GLE1: variants seen among roughly 807,000 people sequenced by gnomAD.
The protein encoded by GLE1 is GLE1 RNA export mediator.
In GLE1, 78 loss-of-function variants were observed where a neutral mutation model predicts 97.3. That is an observed-to-expected ratio of 0.80 (90% confidence interval 0.67 to 0.97). The LOEUF (loss-of-function observed/expected upper bound fraction) is 0.97, where lower values mean the gene tolerates loss of function less well. Among genes scored for constraint, GLE1 ranks in the 50% least tolerant of loss-of-function variants. The pLI, the probability that GLE1 is intolerant of heterozygous loss-of-function variation, is 0.00. For missense variants in GLE1, 753 were observed against 857.5 expected, an observed-to-expected ratio of 0.88 and a Z score of 1.52; for synonymous variants, 302 against 313.4, an observed-to-expected ratio of 0.96 and a Z score of 0.39.
chr9:128,522,635 TAAAAAAAAA>T lies in GLE1; in HGVS notation c.433-18_433-10del, dbSNP rs60154464. On this transcript the variant is annotated intron_variant, in intron 3 of 15. Transcript: ENST00000309971. Reference sequence around the variant, plus strand: ...CTGGCGACAGAGAGAGATTCCATCTTAAAAAAAAAAAAAAAAAAAAAAACCTTTTCAGGA... The same window carrying T: ...CTGGCGACAGAGAGAGATTCCATCTTAAAAAAAAAAAAAACCTTTTCAGGA... The T allele has an allele frequency of 2.1e-4, 264 of 1,266,956 alleles. 1 individual carries two copies. In the African/African-American group the frequency reaches 5.1e-3, roughly 24 times the overall value. The allele number at this position is 1,266,956 out of a possible 1,614,324, so 78.5% of individuals were successfully genotyped here. A position where few individuals can be genotyped will look rare whatever the true frequency, so the allele number is the denominator to read the frequency against.
intron 2 of GLE1, among the ~76,000 whole-genome samples, chr9:128,509,325 G>A (rs556021689): frequency 2.0e-5 from 3 of 151,750 alleles, no homozygotes; most frequent in South Asian, 4.2e-4. Context: ...CTAATTTCAT[G>A]AGCAATTGGA....
intron 11 of GLE1, among the ~76,000 whole-genome samples, chr9:128,535,522 CA>C (rs60357152): frequency 2.3e-4 from 28 of 120,324 alleles, no homozygotes; most frequent in Middle Eastern, 4.9e-3. Context: ...AACTCTGTCT[CA>C]AAAAAAAAAA....
intron 13 of GLE1, among the ~76,000 whole-genome samples, chr9:128,539,412 A>G (rs760671795): frequency 1.3e-5 from 2 of 152,212 alleles, no homozygotes; most frequent in African/African-American, 2.4e-5. Flanking sequence ...CTGATTGGTT[A>G]AATGGAGATA....
rs767720327 is a variant in GLE1 at position 128,523,361 on chromosome 9, G to A, written c.642+21G>A. On this transcript the variant is annotated intron_variant, in intron 5 of 15. Coordinates refer to ENST00000309971, the MANE Select transcript of GLE1 (RefSeq NM_001003722.2). ...CAAAGGTCAGAGCCTGGCAGAATTG[G>A]TGTGGGTGTTTTGGTGTCTGTCTGT... 2.5e-6 allele frequency: 4 copies of A among 1,603,724 alleles called. No individual in the cohort carries two copies. The South Asian group carries it at 3.3e-5, about 13-fold the overall frequency.
At position 128,541,561 on chromosome 9, in the gene GLE1, T is replaced by C. The variant is rs1362915582; in HGVS notation, c.*391T>C. The C allele has an allele frequency of 4.6e-6, 1 of 219,034 alleles. No individual in the cohort carries two copies. The highest frequency in any genetic ancestry group is 7.8e-5 in the South Asian group (1 of 12,806). 13.6% of individuals were successfully genotyped at this position (219,034 alleles called of 1,614,324 possible). On this transcript the variant is annotated 3_prime_UTR_variant, in exon 16 of 16. Transcript: ENST00000309971. ...GCACCCACCTACCCACCCTCACCCC[T>C]GTTCAGATGAATTTCCAGAAAGAGC...
At chr9:128,530,224 G>C (rs1016573494) in intron 9 of GLE1, among the ~76,000 whole-genome samples, 17 of 152,140 alleles carry the variant, frequency 1.1e-4, no homozygotes, top group African/African-American at 3.4e-4. Context: ...AGATTCTCCA[G>C]CTTCAGCTAC....
In GLE1 at chr9:128,508,859, C is replaced by T; in HGVS notation, c.100-17C>T. Reference sequence around the variant, plus strand: ...AGTTGACGTGTAAGTTGAGCTTAACCCTATTCTTTTCTCTAGGATGTTTTA... The same window carrying T: ...AGTTGACGTGTAAGTTGAGCTTAACTCTATTCTTTTCTCTAGGATGTTTTA... On this transcript the variant is annotated splice_polypyrimidine_tract_variant and intron_variant, in intron 1 of 15. Transcript: ENST00000309971. The T allele has an allele frequency of 7.2e-7, 1 of 1,395,404 alleles. No homozygotes were observed. The highest frequency in any genetic ancestry group is 1.0e-6 in the Non-Finnish European group (1 of 980,460). 86.4% of individuals were successfully genotyped at this position (1,395,404 alleles called of 1,614,324 possible).
In GLE1 at chr9:128,522,660, CT is replaced by C. The variant is rs1000306035; in HGVS notation, c.433-4del. On this transcript the variant is annotated splice_region_variant and splice_polypyrimidine_tract_variant and intron_variant, in intron 3 of 15. Coordinates refer to ENST00000309971, the MANE Select transcript of GLE1 (RefSeq NM_001003722.2). Reference sequence around the variant, plus strand: ...TAAAAAAAAAAAAAAAAAAAAAAACCTTTTCAGGAGGGCCTGAGGCTATGGC... The same window carrying C: ...TAAAAAAAAAAAAAAAAAAAAAAACCTTTCAGGAGGGCCTGAGGCTATGGC... The C allele has an allele frequency of 7.4e-6, 10 of 1,357,410 alleles. No homozygotes were observed. The Admixed American group carries it at 1.9e-4, about 26-fold the overall frequency. The allele number at this position is 1,357,410 out of a possible 1,614,324, so 84.1% of individuals were successfully genotyped here.
At chr9:128,514,338 C>CAAA (rs1174493216) in intron 2 of GLE1, among the ~76,000 whole-genome samples, 3 of 91,536 alleles carry the variant, frequency 3.3e-5, no homozygotes, top group Admixed American at 1.2e-4. Context: ...GATCTTGTTT[C>CAAA]AAAAAAAAAA....
intron 14 of GLE1, 134 bp from the exon 15 acceptor site, chr9:128,540,141 A>G: frequency 1.4e-6 from 1 of 729,782 alleles, no homozygotes; most frequent in Non-Finnish European, 2.5e-6. Flanking sequence ...GCTTGAGCCC[A>G]AGAGTTCAAG....
intron 12 of GLE1, 91 bp downstream of exon 12, chr9:128,536,575 G>A (rs1178140622): frequency 2.6e-6 from 3 of 1,151,066 alleles, no homozygotes; most frequent in Non-Finnish European, 3.9e-6. Context: ...TTCTTTCAGA[G>A]AGCCAGTCTA....
intron 12 of GLE1, chr9:128,536,949 C>T (rs7871140): frequency 0.31 from 54,086 of 173,228 alleles, 9,936 homozygotes; most frequent in African/African-American, 0.51. Context: ...TTAATAGTTA[C>T]GGAGACCTAA....
chr9:128,517,405 A>G (rs1847020301), intron 3 of GLE1, among the ~76,000 whole-genome samples: 1 of 152,262 alleles, frequency 6.6e-6, no homozygotes, highest in Non-Finnish European at 1.5e-5. Context: ...GGTCTAGATA[A>G]AACAGTAAAC....
intron 3 of GLE1, among the ~76,000 whole-genome samples, chr9:128,521,107 C>T (rs986774586): frequency 6.6e-6 from 1 of 152,146 alleles, no homozygotes; most frequent in African/African-American, 2.4e-5. Flanking sequence ...AGATTTTTCC[C>T]TGCTGGTGAC....
chr9:128,515,534 A>G lies in GLE1; in HGVS notation c.327A>G (p.Lys109=), dbSNP rs137939042. The G allele has an allele frequency of 9.6e-6, 15 of 1,569,482 alleles. No homozygotes were observed. The African/African-American group carries it at 1.9e-4, about 20-fold the overall frequency. The change falls in exon 3 of 16, where the codon AAA becomes AAG. Residue 109 remains lysine (K), a synonymous_variant. Coordinates refer to ENST00000309971, the MANE Select transcript of GLE1 (RefSeq NM_001003722.2). The stretch of plus-strand genomic sequence containing the variant: ...TCCATTTTCTGCTCATATAGGGCAA[A>G]GATGAGTCCCAGCACACAGAATCTA... ...SPATPNGTKG[K]DESQHTESMV...
At chr9:128,516,542 ATCT>A (rs978890369) in intron 3 of GLE1, among the ~76,000 whole-genome samples, 1 of 148,676 alleles carries the variant, frequency 6.7e-6, no homozygotes, top group Non-Finnish European at 1.5e-5. Context: ...GACGGTCTTG[ATCT>A]TCTGACCTCG....
intron 1 of GLE1, 118 bp from the exon 2 acceptor site, chr9:128,508,758 C>T (rs918716099): frequency 5.5e-6 from 4 of 722,028 alleles, no homozygotes; most frequent in African/African-American, 5.2e-5. Flanking sequence ...TAATACATTA[C>T]TTTGGGTCTT....
chr9:128,518,537 G>A (rs1049506144), intron 3 of GLE1, among the ~76,000 whole-genome samples: 1 of 151,816 alleles, frequency 6.6e-6, no homozygotes, highest in Non-Finnish European at 1.5e-5. Flanking sequence ...CTCCAGCCTG[G>A]GTGACAGAGT....
rs151117426 is a variant in GLE1 at position 128,529,752 on chromosome 9, C to T, written c.1312+2227C>T. Reference sequence around the variant, plus strand: ...TTGTGGGTTTCTTAGTCTTCTACCCCACTCTAATTGTAGGTGATTCCTAGG... The same window carrying T: ...TTGTGGGTTTCTTAGTCTTCTACCCTACTCTAATTGTAGGTGATTCCTAGG... On this transcript the variant is annotated intron_variant, in intron 9 of 15. Transcript: ENST00000309971. Among the ~76,000 whole-genome samples the T allele has an allele frequency of 8.6e-3, 1,301 of 151,912 alleles. 17 individuals carry two copies. The highest frequency in any genetic ancestry group is 0.03 in the African/African-American group (1,235 of 41,420).
Sources: gnomAD v4.1 joint callset for allele counts (sites outside exome capture counted in the v4.1 genomes callset) on GRCh38, gnomAD v4.1.1 for gene constraint, MANE v1.5 for transcripts, NCBI Gene and HGNC (gene_info 2026-07-23, HGNC 2026-07-21) for gene names.